ACTR3C: variants seen among roughly 807,000 people sequenced by gnomAD.
The protein encoded by ACTR3C is actin related protein 3C, also known as actin-related protein 3C.
ACTR3C carries 18 observed loss-of-function variants against 26.3 expected under a neutral mutation model. That is an observed-to-expected ratio of 0.68 (90% CI 0.47 to 1.01). The LOEUF is 1.01. Among genes scored for constraint, ACTR3C ranks in the 50% least tolerant of loss-of-function variants. The pLI, the probability that ACTR3C is intolerant of heterozygous loss-of-function variation, is 0.00. For synonymous variants in ACTR3C, 55 were observed against 94.5 expected (o/e 0.58, Z 2.42); for missense variants, 184 against 250.7 (o/e 0.73, Z 1.80).
chr7:149,914,692 A>G, the ACTR3C span, among the ~76,000 whole-genome samples: 1 of 151,364 alleles, frequency 6.6e-6, no homozygotes, highest in African/African-American at 2.4e-5. Flanking sequence ...TGATGGGAGA[A>G]AAAAAAAATC....
the ACTR3C span, among the ~76,000 whole-genome samples, chr7:150,031,576 C>T: frequency 6.6e-6 from 1 of 152,216 alleles, no homozygotes; most frequent in East Asian, 1.9e-4. Context: ...CTCTATGCCA[C>T]TGATGTCGGT....
At position 150,286,415 on chromosome 7, in the gene ACTR3C, G is replaced by A. The variant is rs776615349; in HGVS notation, c.423C>T (p.Asp141=). Residue 141 remains aspartate (D), a synonymous_variant, in exon 5 of 8, where the codon GAC becomes GAT. Coordinates refer to ENST00000683684, the MANE Select transcript of ACTR3C (RefSeq NM_001164458.2). ...GTCCCAGGAATCTTTCGTAACCAACGTCTATAACAAACTTCTTCTGGTTGA... is the reference window on the plus strand; with the variant it reads ...GTCCCAGGAATCTTTCGTAACCAACATCTATAACAAACTTCTTCTGGTTGA... ...NAINQKKFVI[D]VGYERFLGPE... 9.3e-6 allele frequency: 15 copies of A among 1,613,606 alleles called. No homozygotes were observed. The highest frequency in any genetic ancestry group is 3.3e-5 in the South Asian group (3 of 90,964).
At chr7:150,137,625 G>C in the ACTR3C span, among the ~76,000 whole-genome samples, 4,069 of 152,156 alleles carry the variant, frequency 0.027, 201 homozygotes, top group African/African-American at 0.093. Flanking sequence ...CTTCGCTCAG[G>C]GGTCTTTAAT....
intron 1 of ACTR3C, among the ~76,000 whole-genome samples, chr7:150,304,641 T>A (rs1189033534): frequency 6.6e-6 from 1 of 151,516 alleles, no homozygotes; most frequent in Non-Finnish European, 1.5e-5. Context: ...GAGTTTCTTC[T>A]CATGTTTCCC....
the ACTR3C span, chr7:150,000,870 G>C: frequency 7.2e-6 from 1 of 137,978 alleles, no homozygotes; most frequent in Non-Finnish European, 1.6e-5. Context: ...AGAGTGAAAG[G>C]GATTGTCCTG....
At chr7:150,087,925 G>A in the ACTR3C span, among the ~76,000 whole-genome samples, 6 of 152,188 alleles carry the variant, frequency 3.9e-5, no homozygotes, top group Admixed American at 6.5e-5. Flanking sequence ...ACCAAGAGAT[G>A]ATGGTTTCAG....
the ACTR3C span, among the ~76,000 whole-genome samples, chr7:150,216,637 T>C: frequency 1.3e-5 from 2 of 151,946 alleles, no homozygotes; most frequent in Non-Finnish European, 2.9e-5. Context: ...ATCCTACTCA[T>C]ACCCTCTGGG....
At chr7:150,111,133 C>G in the ACTR3C span, among the ~76,000 whole-genome samples, 1 of 144,886 alleles carries the variant, frequency 6.9e-6, no homozygotes, top group Non-Finnish European at 1.5e-5. Context: ...GTTCTCCATC[C>G]CCAGACTCTC....
chr7:150,237,148 A>G, the ACTR3C span, among the ~76,000 whole-genome samples: 1 of 152,102 alleles, frequency 6.6e-6, no homozygotes, highest in African/African-American at 2.4e-5. Context: ...AATGGCATTG[A>G]TGCTGGAGGA....
the ACTR3C span, among the ~76,000 whole-genome samples, chr7:150,183,382 C>T: frequency 6.7e-6 from 1 of 149,312 alleles, no homozygotes; most frequent in African/African-American, 2.6e-5. Flanking sequence ...CTTCGATAAA[C>T]ATCAACATTG....
At chr7:150,143,593 A>G in the ACTR3C span, among the ~76,000 whole-genome samples, 3 of 152,244 alleles carry the variant, frequency 2.0e-5, no homozygotes, top group South Asian at 2.1e-4. Context: ...CTCTTCCCTG[A>G]TCCCCGGTGA....
chr7:150,183,990 C>T, the ACTR3C span, among the ~76,000 whole-genome samples: 1 of 150,686 alleles, frequency 6.6e-6, no homozygotes, highest in African/African-American at 2.5e-5. Context: ...GTGTCTTCCG[C>T]CATAATTGTA....
At chr7:150,094,095 G>A in the ACTR3C span, among the ~76,000 whole-genome samples, 1 of 150,526 alleles carries the variant, frequency 6.6e-6, no homozygotes, top group Non-Finnish European at 1.5e-5. Context: ...CTCGGGCCAC[G>A]TGGCCTCAGA....
At chr7:149,887,920 T>G in the ACTR3C span, among the ~76,000 whole-genome samples, 2 of 152,244 alleles carry the variant, frequency 1.3e-5, no homozygotes, top group Non-Finnish European at 2.9e-5. Context: ...GCCGCTGCCA[T>G]GTAAGAAGTG....
chr7:149,980,605 T>C, the ACTR3C span, among the ~76,000 whole-genome samples: 1 of 152,362 alleles, frequency 6.6e-6, no homozygotes, highest in East Asian at 1.9e-4. Context: ...CATTCATTCA[T>C]TCATTCATTC....
chr7:149,893,297 A>AT, the ACTR3C span, among the ~76,000 whole-genome samples: 1 of 152,162 alleles, frequency 6.6e-6, no homozygotes, highest in Admixed American at 6.5e-5. Context: ...GCATTAAGGC[A>AT]TTTTTCTGGA....
the ACTR3C span, among the ~76,000 whole-genome samples, chr7:149,913,773 TCA>T: frequency 6.6e-6 from 1 of 151,258 alleles, no homozygotes; most frequent in African/African-American, 2.4e-5. Flanking sequence ...GCAAGCTTCC[TCA>T]CTGTCACATT....
chr7:150,073,212 C>T, the ACTR3C span, among the ~76,000 whole-genome samples: 6 of 152,140 alleles, frequency 3.9e-5, no homozygotes, highest in Non-Finnish European at 8.8e-5. Context: ...GAGGACACAG[C>T]GAGAAGCCAT....
At chr7:150,078,840 G>T in the ACTR3C span, among the ~76,000 whole-genome samples, 1 of 152,206 alleles carries the variant, frequency 6.6e-6, no homozygotes, top group African/African-American at 2.4e-5. Flanking sequence ...ATCAAACAGG[G>T]AGGCTTAGAG....
Sources: gnomAD v4.1 joint callset for allele counts (sites outside exome capture counted in the v4.1 genomes callset) on GRCh38, gnomAD v4.1.1 for gene constraint, MANE v1.5 for transcripts, NCBI Gene and HGNC (gene_info 2026-07-23, HGNC 2026-07-21) for gene names.